Variants in PCDHGA3 observed in about 807,000 individuals in gnomAD.
The protein encoded by PCDHGA3 is protocadherin gamma subfamily A, 3.
Under a neutral mutation model 58.5 loss-of-function variants are expected in PCDHGA3, and 40 were observed. The observed-to-expected ratio is 0.68, with a 90% confidence interval of 0.53 to 0.89. The LOEUF is 0.89. Among genes scored for constraint, PCDHGA3 ranks in the 40% least tolerant of loss-of-function variants. PCDHGA3 has a pLI of 0.00. For missense variants in PCDHGA3, 1,223 were observed against 1,195.9 expected (o/e 1.02, Z -0.33); for synonymous variants, 530 against 525.7 (o/e 1.01, Z -0.11).
chr5:141,366,572 G>T (rs1454034279), intron 1 of PCDHGA3: 1 of 1,614,148 alleles, frequency 6.2e-7, no homozygotes, highest in African/African-American at 1.3e-5. Flanking sequence ...TGGGGTTCGG[G>T]CTTTCCTGCA....
chr5:141,366,202 C>T lies in PCDHGA3; in HGVS notation c.2424+19745C>T, dbSNP rs548407771. On this transcript the variant is annotated intron_variant, in intron 1 of 3. Transcript: ENST00000253812. ...TCTTTGCGGTTGGGCTGCACACGGGCGAGGTGCGCACAGCGCGAGCCCTGC... is the reference window on the plus strand; with the variant it reads ...TCTTTGCGGTTGGGCTGCACACGGGTGAGGTGCGCACAGCGCGAGCCCTGC... 2.8e-5 allele frequency: 45 copies of T among 1,613,844 alleles called. No individual in the cohort carries two copies. In the South Asian group the frequency reaches 4.8e-4, roughly 17 times the overall value.
intron 1 of PCDHGA3, chr5:141,471,430 G>A (rs2099257545): frequency 6.6e-6 from 1 of 152,140 alleles, no homozygotes; most frequent in South Asian, 2.1e-4. Flanking sequence ...CAAGGAAAGT[G>A]TATAATCTCA....
At chr5:141,501,290 TACAC>T (rs55762287) in intron 2 of PCDHGA3, among the ~76,000 whole-genome samples, 45,565 of 135,778 alleles carry the variant, frequency 0.34, 7,845 homozygotes, top group Non-Finnish European at 0.42. Flanking sequence ...TATTCCCTTA[TACAC>T]ACACACACAC....
At chr5:141,349,628 A>C (rs1364832627) in intron 1 of PCDHGA3, among the ~76,000 whole-genome samples, 4 of 152,190 alleles carry the variant, frequency 2.6e-5, no homozygotes, top group African/African-American at 9.7e-5. Context: ...TTGATAACAT[A>C]TATATGGAGA....
chr5:141,476,157 G>A lies in PCDHGA3; in HGVS notation c.2425-18650G>A. On this transcript the variant is annotated intron_variant, in intron 1 of 3. Transcript: ENST00000253812. The surrounding 1 kb of genome is among the most constrained non-coding windows in gnomAD (Gnocchi z 7.6). ...TGGAGGAGCGGACTGGTAAGCACCG[G>A]GAGGGTAGTGGGAGTTTTGCTTCTG... 1 of 1,612,752 alleles carries A rather than the reference G, an allele frequency of 6.2e-7. No homozygotes were observed. Among genetic ancestry groups the A allele is most frequent in the Non-Finnish European group, 8.5e-7 (1 of 1,179,898 alleles).
In PCDHGA3 at chr5:141,477,125, A is replaced by G; in HGVS notation, c.2425-17682A>G. The G allele has an allele frequency of 2.5e-6, 4 of 1,614,212 alleles. No individual in the cohort carries two copies. The highest frequency in any genetic ancestry group is 3.4e-6 in the Non-Finnish European group (4 of 1,180,036). On this transcript the variant is annotated intron_variant, in intron 1 of 3. Transcript: ENST00000253812. This position sits in a 1 kb window ranked among gnomAD's most constrained non-coding sequence, Gnocchi z 4.9. ...CGCCAATCCCGAAGGAGCACATTGC[A>G]AAGTGTTGGTGGAGGTTGTGGATGT...
intron 1 of PCDHGA3, among the ~76,000 whole-genome samples, chr5:141,448,378 A>G (rs1288817591): frequency 6.6e-6 from 1 of 152,154 alleles, no homozygotes; most frequent in East Asian, 1.9e-4. Context: ...ATTTTTGAAT[A>G]GGAAATACAT....
intron 1 of PCDHGA3, chr5:141,430,844 A>C: frequency 6.4e-7 from 1 of 1,571,464 alleles, no homozygotes; most frequent in Non-Finnish European, 8.6e-7. Flanking sequence ...GACCGGATGC[A>C]CCCAGATACG....
intron 1 of PCDHGA3, chr5:141,357,337 G>C: frequency 1.2e-6 from 2 of 1,614,118 alleles, no homozygotes; most frequent in South Asian, 1.1e-5. Flanking sequence ...GGTGCTGCTA[G>C]CACTCAAGCT....
At chr5:141,466,993 T>G (rs2099133598) in intron 1 of PCDHGA3, among the ~76,000 whole-genome samples, 1 of 152,148 alleles carries the variant, frequency 6.6e-6, no homozygotes, top group African/African-American at 2.4e-5. Context: ...CCTTTTGGCA[T>G]TTTTTTGCAA....
At chr5:141,371,755 A>T (rs752277488) in intron 1 of PCDHGA3, 3 of 1,614,030 alleles carry the variant, frequency 1.9e-6, no homozygotes, top group South Asian at 1.1e-5. Flanking sequence ...GTTTTCCACC[A>T]GGCCTCCTAC....
intron 1 of PCDHGA3, chr5:141,408,855 G>A: frequency 6.2e-7 from 1 of 1,613,572 alleles, no homozygotes; most frequent in Non-Finnish European, 8.5e-7. Flanking sequence ...TTGGACGGAG[G>A]GGACCCACCA....
chr5:141,413,265 T>C, intron 1 of PCDHGA3: 1 of 1,613,958 alleles, frequency 6.2e-7, no homozygotes, highest in Non-Finnish European at 8.5e-7. Context: ...CATGGGAGGC[T>C]GGAGCCCGGC....
At chr5:141,395,186 G>C in intron 1 of PCDHGA3, 1 of 1,614,086 alleles carries the variant, frequency 6.2e-7, no homozygotes, top group Non-Finnish European at 8.5e-7. Context: ...ATGATTCTTT[G>C]TTAACATCCG....
chr5:141,354,116 A>G (rs1355865082), intron 1 of PCDHGA3, among the ~76,000 whole-genome samples: 1 of 152,258 alleles, frequency 6.6e-6, no homozygotes, highest in Non-Finnish European at 1.5e-5. Flanking sequence ...GAGCTAAAGT[A>G]AAGTTAGAAA....
intron 1 of PCDHGA3, chr5:141,377,929 C>T: frequency 6.6e-6 from 1 of 152,184 alleles, no homozygotes; most frequent in East Asian, 1.9e-4. Flanking sequence ...CCACCTGTAA[C>T]TGCTGCTTAT....
At chr5:141,413,383 A>G in intron 1 of PCDHGA3, 1 of 1,613,998 alleles carries the variant, frequency 6.2e-7, no homozygotes, top group Non-Finnish European at 8.5e-7. Context: ...CGGAGTCCGC[A>G]TAGTCTCCAG....
rs563064161 is a variant in PCDHGA3, at chr5:141,349,228, C to T, written c.2424+2771C>T. On this transcript the variant is annotated intron_variant, in intron 1 of 3. Transcript: ENST00000253812. ...GGCGTTACAGGTACCCGCCACCATG[C>T]CTGGATAATTTTTATTTTTTTTAGT... Among the ~76,000 whole-genome samples the T allele has an allele frequency of 4.4e-5, 5 of 114,132 alleles. No individual in the cohort carries two copies. In the South Asian group the frequency reaches 1.2e-3, roughly 28 times the overall value. 74.9% of individuals were successfully genotyped at this position (114,132 alleles called of 152,430 possible).
At position 141,511,239 on chromosome 5, in the gene PCDHGA3, C is replaced by A; in HGVS notation, c.*66C>A. On this transcript the variant is annotated 3_prime_UTR_variant, in exon 4 of 4. Coordinates refer to ENST00000253812, the MANE Select transcript of PCDHGA3 (RefSeq NM_018916.4). ...AACCAGCCCAGCTTCTCCTTACCTG[C>A]ACCCAGGCCTCAGAGTTTCAGGGCT... 1 of 1,587,938 alleles carries A rather than the reference C, an allele frequency of 6.3e-7. No homozygotes were observed. Among genetic ancestry groups the A allele is most frequent in the Admixed American group, 1.8e-5 (1 of 55,480 alleles).
Sources: gnomAD v4.1 joint callset for allele counts (sites outside exome capture counted in the v4.1 genomes callset) on GRCh38, gnomAD v4.1.1 for gene constraint, Gnocchi (gnomAD v3.1) non-coding constraint, MANE v1.5 for transcripts, NCBI Gene and HGNC (gene_info 2026-07-23, HGNC 2026-07-21) for gene names.